The following DLG2 variants were observed in gnomAD, a reference collection of about 807,000 sequenced individuals.
The protein encoded by DLG2 is discs large MAGUK scaffold protein 2.
In DLG2, 45 loss-of-function variants were observed where a neutral mutation model predicts 132.5. The observed-to-expected ratio is 0.34, with a 90% CI of 0.27 to 0.44. The LOEUF (loss-of-function observed/expected upper bound fraction) is 0.44. DLG2 is among the 20% of genes least tolerant of loss of function. The pLI is 1.00. For missense variants in DLG2, 1,045 were observed against 1,196.9 expected, an observed-to-expected ratio of 0.87 and a Z score of 1.87; for synonymous variants, 424 against 419.6, an observed-to-expected ratio of 1.01 and a Z score of -0.13.
chr11:83,545,704 T>A (rs1383143385), intron 19 of DLG2, among the ~76,000 whole-genome samples: 1 of 152,124 alleles, frequency 6.6e-6, no homozygotes, highest in Non-Finnish European at 1.5e-5. Context: ...CCACTCCTGC[T>A]GTTAGCTGCA....
chr11:84,350,630 A>G lies in DLG2; in HGVS notation c.520-99339T>C, dbSNP rs76778206. Among the ~76,000 whole-genome samples the G allele has an allele frequency of 3.3e-3, 500 of 152,350 alleles. 20 individuals carry two copies. The East Asian group carries it at 0.075, about 23-fold the overall frequency. ...GAGTTGATACATTTAGCATATAGTT[A>G]TACAGTTAGCATATAGTAATCATTC... On this transcript the variant is annotated intron_variant, in intron 7 of 27. Transcript: ENST00000376104.
At chr11:85,442,878 C>CA (rs200243714) in intron 3 of DLG2, among the ~76,000 whole-genome samples, 2,712 of 149,640 alleles carry the variant, frequency 0.018, 50 homozygotes, top group Admixed American at 0.036. Context: ...GAACTTCTCT[C>CA]AAAAAAAGGA....
chr11:84,066,975 G>A (rs2096683718), intron 10 of DLG2, among the ~76,000 whole-genome samples: 1 of 152,180 alleles, frequency 6.6e-6, no homozygotes, highest in South Asian at 2.1e-4. Context: ...GCTGTATGAA[G>A]TGTAAAAATG....
At chr11:85,077,407 C>T (rs914742766) in intron 6 of DLG2, among the ~76,000 whole-genome samples, 4 of 151,994 alleles carry the variant, frequency 2.6e-5, no homozygotes, top group African/African-American at 4.8e-5. Flanking sequence ...ACCAAGACTG[C>T]TTCAAAAAGC....
chr11:83,531,932 C>T (rs1476982245), intron 21 of DLG2, among the ~76,000 whole-genome samples: 2 of 147,074 alleles, frequency 1.4e-5, no homozygotes, highest in Non-Finnish European at 3.0e-5. Flanking sequence ...TATAAAATAA[C>T]CAGGATAGGC....
chr11:83,689,296 A>G (rs1323960139), intron 18 of DLG2, among the ~76,000 whole-genome samples: 1 of 152,126 alleles, frequency 6.6e-6, no homozygotes, highest in East Asian at 1.9e-4. Flanking sequence ...AGCATATGCA[A>G]AGAGATGGTG....
intron 7 of DLG2, among the ~76,000 whole-genome samples, chr11:84,497,955 C>A (rs1030532059): frequency 2.0e-5 from 3 of 152,130 alleles, no homozygotes; most frequent in Non-Finnish European, 4.4e-5. Context: ...CACTAGAGGA[C>A]AGAACCCAGG....
intron 5 of DLG2, among the ~76,000 whole-genome samples, chr11:85,145,326 C>T (rs1185552837): frequency 6.6e-6 from 1 of 152,052 alleles, no homozygotes; most frequent in East Asian, 1.9e-4. Context: ...ATTAAATCTG[C>T]TTAATTTTCT....
chr11:85,087,140 T>C (rs1304235040), intron 6 of DLG2, among the ~76,000 whole-genome samples: 1 of 152,174 alleles, frequency 6.6e-6, no homozygotes, highest in African/African-American at 2.4e-5. Flanking sequence ...GTACTAGGTA[T>C]ATAGTGAACA....
intron 6 of DLG2, among the ~76,000 whole-genome samples, chr11:85,011,796 T>A (rs1466700629): frequency 1.3e-5 from 2 of 152,200 alleles, no homozygotes; most frequent in Non-Finnish European, 2.9e-5. Context: ...TCTATACAGT[T>A]TTATCCTACT....
intron 6 of DLG2, among the ~76,000 whole-genome samples, chr11:85,000,564 G>A (rs2058119300): frequency 2.6e-5 from 4 of 152,018 alleles, no homozygotes; most frequent in Admixed American, 2.6e-4. Context: ...GGTGAATTAG[G>A]GAATGTGAAT....
intron 8 of DLG2, among the ~76,000 whole-genome samples, chr11:84,195,428 T>C (rs1197610022): frequency 6.6e-6 from 1 of 152,144 alleles, no homozygotes; most frequent in African/African-American, 2.4e-5. Context: ...CCTCCCAAAG[T>C]GGTGGGATTA....
At chr11:83,797,844 G>A (rs982604090) in intron 17 of DLG2, among the ~76,000 whole-genome samples, 1 of 152,144 alleles carries the variant, frequency 6.6e-6, no homozygotes, top group Non-Finnish European at 1.5e-5. Flanking sequence ...CCATGACATA[G>A]CCTCTCAAGG....
intron 6 of DLG2, among the ~76,000 whole-genome samples, chr11:84,822,090 T>A (rs916579398): frequency 5.4e-5 from 8 of 147,768 alleles, no homozygotes; most frequent in Non-Finnish European, 1.1e-4. Context: ...GTAAATAATA[T>A]CCTTTGCCCT....
chr11:83,521,700 A>G (rs984569029), intron 21 of DLG2, among the ~76,000 whole-genome samples: 2 of 152,012 alleles, frequency 1.3e-5, no homozygotes, highest in African/African-American at 2.4e-5. Context: ...TTCTCTACCA[A>G]TTCTATTCAG....
intron 6 of DLG2, among the ~76,000 whole-genome samples, chr11:84,578,870 C>G (rs912163165): frequency 1.3e-5 from 2 of 152,096 alleles, no homozygotes; most frequent in East Asian, 3.9e-4. Context: ...TTTTATCTCC[C>G]AGAATTCCCA....
intron 6 of DLG2, among the ~76,000 whole-genome samples, chr11:84,992,203 T>C (rs1443945754): frequency 6.6e-6 from 1 of 152,172 alleles, no homozygotes; most frequent in Non-Finnish European, 1.5e-5. Context: ...CAGGTCTAGT[T>C]AAATTACTTC....
intron 8 of DLG2, chr11:84,166,821 A>C: frequency 4.3e-6 from 2 of 460,820 alleles, no homozygotes; most frequent in South Asian, 3.4e-5. Flanking sequence ...TTGTTGTTTG[A>C]ACTTGCCTTG....
At chr11:85,121,889 T>C (rs1190118446) in intron 5 of DLG2, among the ~76,000 whole-genome samples, 1 of 152,182 alleles carries the variant, frequency 6.6e-6, no homozygotes, top group African/African-American at 2.4e-5. Flanking sequence ...AACATTTGTG[T>C]ATATGTGCAC....
Sources: allele counts gnomAD v4.1 joint callset (sites outside exome capture counted in the v4.1 genomes callset), GRCh38; gene constraint gnomAD v4.1.1; transcripts MANE v1.5; gene names NCBI Gene and HGNC (gene_info 2026-07-23, HGNC 2026-07-21).